The following RAB7A variants were observed in gnomAD, a reference collection of about 807,000 sequenced individuals.
RAB7A encodes RAB7A, member RAS oncogene family.
In RAB7A, 2 loss-of-function variants were observed where a neutral mutation model predicts 24.5. The ratio of observed to expected loss-of-function variants is 0.08; its 90% CI spans 0.03 to 0.26. RAB7A has a LOEUF of 0.26. Among genes scored for constraint, RAB7A ranks in the 10% least tolerant of loss-of-function variants. The pLI is 1.00. For synonymous variants in RAB7A, 100 were observed against 95.9 expected, an observed-to-expected ratio of 1.04 and a Z score of -0.25; for missense variants, 118 against 255.7, an observed-to-expected ratio of 0.46 and a Z score of 3.67.
chr3:128,740,524 TG>T (rs2070542003), intron 1 of RAB7A, among the ~76,000 whole-genome samples: 3 of 152,162 alleles, frequency 2.0e-5, no homozygotes, highest in Admixed American at 2.0e-4. Context: ...TTTATATACT[TG>T]TCAATTGTCA....
At chr3:128,805,029 G>C (rs1426242026) in intron 3 of RAB7A, among the ~76,000 whole-genome samples, 1 of 152,210 alleles carries the variant, frequency 6.6e-6, no homozygotes, top group Non-Finnish European at 1.5e-5. Flanking sequence ...TAGGAGTGCA[G>C]TCTAGGATTT....
At chr3:128,737,012 A>G (rs1179051364) in intron 1 of RAB7A, among the ~76,000 whole-genome samples, 1 of 149,916 alleles carries the variant, frequency 6.7e-6, no homozygotes, top group Non-Finnish European at 1.5e-5. Flanking sequence ...TTTACTCACT[A>G]ATCACCTTCC....
chr3:128,782,722 A>G (rs146334566), intron 1 of RAB7A, among the ~76,000 whole-genome samples: 1,811 of 151,716 alleles, frequency 0.012, 33 homozygotes, highest in African/African-American at 0.039. Flanking sequence ...TGTCTTGTAT[A>G]ATCTCTCTAG....
At chr3:128,758,964 T>G (rs1459428769) in intron 1 of RAB7A, among the ~76,000 whole-genome samples, 1 of 152,246 alleles carries the variant, frequency 6.6e-6, no homozygotes, top group Non-Finnish European at 1.5e-5. Context: ...TGCTACTCAC[T>G]CAGGCTTTGG....
chr3:128,747,642 C>T (rs2070631468), intron 1 of RAB7A, among the ~76,000 whole-genome samples: 1 of 151,738 alleles, frequency 6.6e-6, no homozygotes, highest in African/African-American at 2.4e-5. Flanking sequence ...AAATGAATCT[C>T]AGCCACCCCA....
At chr3:128,750,418 C>T (rs2070665093) in intron 1 of RAB7A, among the ~76,000 whole-genome samples, 3 of 152,206 alleles carry the variant, frequency 2.0e-5, no homozygotes, top group Middle Eastern at 3.4e-3. Flanking sequence ...CCCGCCACCA[C>T]GCCCAGCTAA....
At chr3:128,769,956 A>AT (rs1370039287) in intron 1 of RAB7A, among the ~76,000 whole-genome samples, 1 of 150,726 alleles carries the variant, frequency 6.6e-6, no homozygotes, top group Non-Finnish European at 1.5e-5. Context: ...GTCTCTCTTG[A>AT]TTTTTTAGAA....
chr3:128,775,240 G>T (rs530905240), intron 1 of RAB7A, among the ~76,000 whole-genome samples: 106 of 152,314 alleles, frequency 7.0e-4, no homozygotes, highest in African/African-American at 2.4e-3. Context: ...GCCACAGCTT[G>T]TGTTCAGATG....
intron 1 of RAB7A, among the ~76,000 whole-genome samples, chr3:128,744,716 A>G (rs999902542): frequency 7.9e-5 from 12 of 152,178 alleles, no homozygotes; most frequent in Admixed American, 5.2e-4. Flanking sequence ...TAAAGTTGCC[A>G]TTGGTCCTTG....
At chr3:128,762,656 T>C (rs1432391350) in intron 1 of RAB7A, among the ~76,000 whole-genome samples, 4 of 152,150 alleles carry the variant, frequency 2.6e-5, no homozygotes, top group Admixed American at 6.5e-5. Flanking sequence ...GCATTTCTTA[T>C]TGTTGAAGTT....
chr3:128,750,755 C>T (rs1161932348), intron 1 of RAB7A, among the ~76,000 whole-genome samples: 1 of 152,240 alleles, frequency 6.6e-6, no homozygotes, highest in African/African-American at 2.4e-5. Flanking sequence ...TGAATGTTAA[C>T]TCCCAAGACA....
At position 128,769,272 on chromosome 3, in the gene RAB7A, A is replaced by G. The variant is rs545753937; in HGVS notation, c.-8-26088A>G. 1.8e-4 allele frequency among the ~76,000 whole-genome samples: 28 copies of G among 152,306 alleles called. No individual in the cohort carries two copies. In the South Asian group the frequency reaches 5.6e-3, roughly 30 times the overall value. ...CCTTTCACATTCTTACCAGCAGTGT[A>G]CAGGAGTTCCATCTGCTCCATATCC... On this transcript the variant is annotated intron_variant, in intron 1 of 5. Coordinates refer to ENST00000265062, the MANE Select transcript of RAB7A (RefSeq NM_004637.6).
chr3:128,729,467 G>T (rs548077100), intron 1 of RAB7A, among the ~76,000 whole-genome samples: 12 of 152,078 alleles, frequency 7.9e-5, no homozygotes, highest in Admixed American at 7.9e-4. Flanking sequence ...CTACTCGTGA[G>T]GCTGAGGCAG....
rs867372511 is a variant in RAB7A at position 128,741,218 on chromosome 3, G to C, written c.-9+14859G>C. Among the ~76,000 whole-genome samples, 9 of 151,854 alleles carry C rather than the reference G, an allele frequency of 5.9e-5. No homozygotes were observed. The South Asian group carries it at 1.9e-3, about 32-fold the overall frequency. On this transcript the variant is annotated intron_variant, in intron 1 of 5. Coordinates refer to ENST00000265062, the MANE Select transcript of RAB7A (RefSeq NM_004637.6). ...TATGGCAAGAATTTTGATCCTTTTCGTGTTGCAAACATTATTCCTGGCTTG... is the reference window on the plus strand; with the variant it reads ...TATGGCAAGAATTTTGATCCTTTTCCTGTTGCAAACATTATTCCTGGCTTG...
chr3:128,734,887 A>G (rs1180438457), intron 1 of RAB7A, among the ~76,000 whole-genome samples: 1 of 152,216 alleles, frequency 6.6e-6, no homozygotes, highest in Non-Finnish European at 1.5e-5. Context: ...AAGCCACTTG[A>G]GGACAAGGAT....
At chr3:128,788,162 C>T (rs1043996045) in intron 1 of RAB7A, among the ~76,000 whole-genome samples, 4 of 152,224 alleles carry the variant, frequency 2.6e-5, no homozygotes, top group African/African-American at 9.6e-5. Flanking sequence ...GTTATCACAT[C>T]AATGTTGCAA....
chr3:128,789,060 G>C (rs1052776430), intron 1 of RAB7A, among the ~76,000 whole-genome samples: 2 of 152,190 alleles, frequency 1.3e-5, no homozygotes, highest in African/African-American at 4.8e-5. Flanking sequence ...AGCTTCTTCC[G>C]ATGCACACTG....
chr3:128,783,622 A>G (rs1342062174), intron 1 of RAB7A, among the ~76,000 whole-genome samples: 1 of 152,080 alleles, frequency 6.6e-6, no homozygotes, highest in African/African-American at 2.4e-5. Context: ...TGGTGGATCT[A>G]TGCCTTCGGG....
intron 1 of RAB7A, among the ~76,000 whole-genome samples, chr3:128,729,682 A>G (rs959128114): frequency 6.6e-6 from 1 of 152,132 alleles, no homozygotes; most frequent in Non-Finnish European, 1.5e-5. Flanking sequence ...CCACGCAAAT[A>G]TGACAGTTGT....
Sources: allele counts gnomAD v4.1 joint callset (sites outside exome capture counted in the v4.1 genomes callset), GRCh38; gene constraint gnomAD v4.1.1; transcripts MANE v1.5; gene names NCBI Gene and HGNC (gene_info 2026-07-23, HGNC 2026-07-21).